Variants in CSMD1 observed in about 807,000 individuals in gnomAD.
The protein encoded by CSMD1 is CUB and sushi domain-containing protein 1.
CSMD1 carries 213 observed loss-of-function variants against 417.5 expected under a neutral mutation model. That is an observed-to-expected ratio of 0.51 (90% CI 0.46 to 0.57). CSMD1 has a LOEUF of 0.57. CSMD1 is among the 20% of genes least tolerant of loss of function. The probability of loss-of-function intolerance (pLI) is 0.00; values close to 1 mark genes in which losing one functional copy is unlikely to be tolerated. For missense variants in CSMD1, 6,923 were observed against 4,529.7 expected, an observed-to-expected ratio of 1.53 and a Z score of -15.17; for synonymous variants, 2,862 against 1,736.8, an observed-to-expected ratio of 1.65 and a Z score of -16.11.
intron 1 of CSMD1, among the ~76,000 whole-genome samples, chr8:4,667,867 A>C: frequency 6.6e-6 from 1 of 152,208 alleles, no homozygotes; most frequent in Non-Finnish European, 1.5e-5. Context: ...GCCTTAATGC[A>C]CGGCTAAAAC....
At chr8:4,828,184 G>A (rs1202780519) in intron 1 of CSMD1, among the ~76,000 whole-genome samples, 1 of 152,112 alleles carries the variant, frequency 6.6e-6, no homozygotes, top group Admixed American at 6.6e-5. Flanking sequence ...GCTCATTTAA[G>A]TGTTTTCAAA....
chr8:4,622,193 G>C (rs1326447649), intron 2 of CSMD1, among the ~76,000 whole-genome samples: 3 of 151,638 alleles, frequency 2.0e-5, no homozygotes, highest in Non-Finnish European at 4.4e-5. Flanking sequence ...AAAAAGAATG[G>C]CAGACATATT....
At chr8:3,845,196 T>C (rs1264520612) in intron 5 of CSMD1, among the ~76,000 whole-genome samples, 1 of 152,138 alleles carries the variant, frequency 6.6e-6, no homozygotes, top group African/African-American at 2.4e-5. Context: ...GTTAGGAAAA[T>C]AGTGCAACTA....
intron 1 of CSMD1, among the ~76,000 whole-genome samples, chr8:4,638,345 C>G (rs552106764): frequency 1.3e-5 from 2 of 152,278 alleles, no homozygotes; most frequent in African/African-American, 4.8e-5. Flanking sequence ...AAAACAAGGT[C>G]AATACGCCAG....
chr8:3,436,983 C>T (rs931031968), intron 12 of CSMD1, among the ~76,000 whole-genome samples: 2 of 152,070 alleles, frequency 1.3e-5, no homozygotes, highest in Non-Finnish European at 2.9e-5. Flanking sequence ...AAGAAGCAGA[C>T]AGGGACTTAA....
chr8:3,781,055 C>G lies in CSMD1; in HGVS notation c.819-27013G>C, dbSNP rs1383188225. 2.6e-5 allele frequency among the ~76,000 whole-genome samples: 4 copies of G among 152,218 alleles called. No individual in the cohort carries two copies. In the East Asian group the frequency reaches 7.7e-4, roughly 29 times the overall value. ...AAACTGAAATCTAAGCAAAGTAAAG[C>G]AGCAAATAGTTGAAAGCCTGTTATG... On this transcript the variant is annotated intron_variant, in intron 5 of 69. Transcript: ENST00000635120.
intron 3 of CSMD1, among the ~76,000 whole-genome samples, chr8:4,198,766 T>A (rs1157584594): frequency 6.6e-6 from 1 of 152,170 alleles, no homozygotes; most frequent in Admixed American, 6.5e-5. Flanking sequence ...AATTTTGAAA[T>A]ACTATTCTAA....
intron 3 of CSMD1, among the ~76,000 whole-genome samples, chr8:4,146,678 C>G (rs1165155171): frequency 1.6e-5 from 2 of 123,508 alleles, no homozygotes; most frequent in Non-Finnish European, 3.2e-5. Flanking sequence ...GTGGTGTGAT[C>G]TGGACTCACT....
intron 3 of CSMD1, among the ~76,000 whole-genome samples, chr8:4,139,645 G>A (rs1803660855): frequency 6.6e-6 from 1 of 150,460 alleles, no homozygotes; most frequent in South Asian, 2.1e-4. Flanking sequence ...GGGACCAGCA[G>A]ATGCAAGGGC....
intron 3 of CSMD1, among the ~76,000 whole-genome samples, chr8:4,184,951 A>G (rs564495984): frequency 2.0e-4 from 30 of 152,116 alleles, no homozygotes; most frequent in Non-Finnish European, 4.1e-4. Context: ...CAGCCTCCCC[A>G]ATGTGGTGAA....
chr8:3,259,408 G>T (rs1217763978), intron 26 of CSMD1, among the ~76,000 whole-genome samples: 1 of 142,692 alleles, frequency 7.0e-6, no homozygotes, highest in Non-Finnish European at 1.6e-5. Flanking sequence ...CAGTAATCCT[G>T]ATGGCCTGAA....
chr8:4,408,536 T>A (rs2128933209), intron 3 of CSMD1, among the ~76,000 whole-genome samples: 1 of 152,332 alleles, frequency 6.6e-6, no homozygotes, highest in South Asian at 2.1e-4. Flanking sequence ...ACATAAAGAT[T>A]TTCCTATTTA....
At chr8:3,761,988 A>G (rs1483405785) in intron 5 of CSMD1, among the ~76,000 whole-genome samples, 2 of 152,044 alleles carry the variant, frequency 1.3e-5, no homozygotes, top group Non-Finnish European at 1.5e-5. Context: ...TCTTGGTGAC[A>G]TCATCCACTC....
At chr8:4,076,780 C>A (rs1207430050) in intron 3 of CSMD1, among the ~76,000 whole-genome samples, 1 of 152,148 alleles carries the variant, frequency 6.6e-6, no homozygotes, top group East Asian at 1.9e-4. Flanking sequence ...CTCTGAACAA[C>A]AACCATATCA....
rs777649978 is a variant in CSMD1, at chr8:4,732,379, GTGTA to G, written c.86-94825_86-94822del. Among the ~76,000 whole-genome samples the G allele has an allele frequency of 6.7e-3, 998 of 149,176 alleles. 15 individuals carry two copies. Among genetic ancestry groups the G allele is most frequent in the African/African-American group, 0.02 (808 of 40,038 alleles). The stretch of plus-strand genomic sequence containing the variant: ...TGTGTGTGTGTGTGTGTGTGTGTGT[GTGTA>G]GTGTTTTTCCCCTGAGATTCTCACT... On this transcript the variant is annotated intron_variant, in intron 1 of 69. Coordinates refer to ENST00000635120, the MANE Select transcript of CSMD1 (RefSeq NM_033225.6).
chr8:4,275,387 T>C (rs988651690), intron 3 of CSMD1, among the ~76,000 whole-genome samples: 1 of 152,188 alleles, frequency 6.6e-6, no homozygotes, highest in African/African-American at 2.4e-5. Flanking sequence ...ATCTTTAATG[T>C]TTTAAAGGAA....
In CSMD1 at chr8:4,006,794, T is replaced by A. The variant is rs923798427; in HGVS notation, c.611-8684A>T. Among the ~76,000 whole-genome samples the A allele has an allele frequency of 4.7e-4, 72 of 151,832 alleles. 1 individual carries two copies. Among genetic ancestry groups the A allele is most frequent in the Middle Eastern group, 3.4e-3 (1 of 290 alleles). On this transcript the variant is annotated intron_variant, in intron 4 of 69. Coordinates refer to ENST00000635120, the MANE Select transcript of CSMD1 (RefSeq NM_033225.6). Reference sequence around the variant, plus strand: ...CTTATATCACCATTCATATTTCTTTTGTCGCTGAGAGAATCCAGGACTTTT... The same window carrying A: ...CTTATATCACCATTCATATTTCTTTAGTCGCTGAGAGAATCCAGGACTTTT...
chr8:3,995,759 G>C (rs949851902), intron 5 of CSMD1, among the ~76,000 whole-genome samples: 1 of 152,170 alleles, frequency 6.6e-6, no homozygotes, highest in Non-Finnish European at 1.5e-5. Flanking sequence ...GTCATCCCAA[G>C]AATACAAGTA....
intron 1 of CSMD1, among the ~76,000 whole-genome samples, chr8:4,973,521 G>C (rs1337100422): frequency 2.6e-5 from 4 of 152,072 alleles, no homozygotes; most frequent in Non-Finnish European, 4.4e-5. Flanking sequence ...GAATTCTATA[G>C]AATCCTACAG....
Sources: allele counts gnomAD v4.1 joint callset (sites outside exome capture counted in the v4.1 genomes callset), GRCh38; gene constraint gnomAD v4.1.1; transcripts MANE v1.5; gene names NCBI Gene and HGNC (gene_info 2026-07-23, HGNC 2026-07-21).